Variants in MYO16 observed in about 807,000 individuals in gnomAD.
MYO16 encodes unconventional myosin-XVI.
A neutral mutation model predicts 205.3 loss-of-function variants in MYO16; 94 were observed. The ratio of observed to expected loss-of-function variants is 0.46; its 90% CI spans 0.39 to 0.54. The LOEUF is 0.54. MYO16 is among the 20% of genes least tolerant of loss of function. MYO16 has a pLI of 0.00. For synonymous variants in MYO16, 988 were observed against 954.0 expected (o/e 1.04, Z -0.66); for missense variants, 2,315 against 2,387.5 (o/e 0.97, Z 0.63).
chr13:108,751,368 A>G (rs8001887), intron 4 of MYO16, among the ~76,000 whole-genome samples: 5,113 of 152,240 alleles, frequency 0.034, 274 homozygotes, highest in African/African-American at 0.12. Flanking sequence ...AATGGCTCAC[A>G]CTGGAACGAT....
chr13:108,612,593 G>T, intron 1 of MYO16, among the ~76,000 whole-genome samples: 1 of 152,116 alleles, frequency 6.6e-6, no homozygotes, highest in East Asian at 1.9e-4. Context: ...GGAGTTCACA[G>T]GAAACACTCG....
chr13:109,088,217 G>A (rs779421503), intron 27 of MYO16, among the ~76,000 whole-genome samples: 1 of 152,102 alleles, frequency 6.6e-6, no homozygotes, highest in South Asian at 2.1e-4. Context: ...GCACGGGTGC[G>A]GAGTCTGTGT....
chr13:108,872,471 T>A (rs1879117221), intron 12 of MYO16, among the ~76,000 whole-genome samples: 1 of 152,016 alleles, frequency 6.6e-6, no homozygotes, highest in Non-Finnish European at 1.5e-5. Flanking sequence ...GTATTTGCAG[T>A]TTTTTCAGAA....
intron 3 of MYO16, among the ~76,000 whole-genome samples, chr13:108,714,678 C>G (rs774947598): frequency 2.0e-5 from 3 of 151,944 alleles, no homozygotes; most frequent in Non-Finnish European, 4.4e-5. Context: ...AAGTTCCTAT[C>G]TTTAAATTAG....
Position 109,140,197 on chromosome 13 carries a change from C to T in MYO16, c.4052-67C>T, listed in dbSNP as rs1173574579. 1 of 1,568,702 alleles carries T rather than the reference C, an allele frequency of 6.4e-7. No homozygotes were observed. Among genetic ancestry groups the T allele is most frequent in the Non-Finnish European group, 8.6e-7 (1 of 1,166,004 alleles). On this transcript the variant is annotated intron_variant, in intron 31 of 34. Transcript: ENST00000457511. The surrounding 1 kb of genome is among the most constrained non-coding windows in gnomAD (Gnocchi z 8.0). ...GGGCCGTGGCTCCCTCCGAGTCGAG[C>T]CCCGGGCTTGGTGGGCACCCGTGGG...
rs1296965070 is a variant in MYO16, at chr13:109,179,631, C to G, written c.5413C>G (p.Gln1805Glu). The G allele has an allele frequency of 6.2e-7, 1 of 1,610,446 alleles. No individual in the cohort carries two copies. Among genetic ancestry groups the G allele is most frequent in the Admixed American group, 1.7e-5 (1 of 60,010 alleles). ...AAGACACAGGGACAGTCACACCACTCAGGTAATGATGTCTGTCTGTTCACA... is the reference window on the plus strand; with the variant it reads ...AAGACACAGGGACAGTCACACCACTGAGGTAATGATGTCTGTCTGTTCACA... ...FQRHRDSHTT[Q>E]VIHQLRLSEN... Residue 1805 changes from glutamine to glutamate, a missense_variant and splice_region_variant, in exon 34 of 35, where the codon CAG becomes GAG. Coordinates refer to ENST00000457511, the MANE Select transcript of MYO16 (RefSeq NM_001198950.3).
chr13:108,834,638 ACTCTCT>A lies in MYO16; in HGVS notation c.1098-9679_1098-9674del, dbSNP rs67472762. Among the ~76,000 whole-genome samples the A allele has an allele frequency of 2.8e-3, 250 of 90,336 alleles. 1 individual carries two copies. Among genetic ancestry groups the A allele is most frequent in the African/African-American group, 7.1e-3 (205 of 28,684 alleles). 59.3% of individuals were successfully genotyped at this position (90,336 alleles called of 152,430 possible). On this transcript the variant is annotated intron_variant, in intron 9 of 34. Coordinates refer to ENST00000457511, the MANE Select transcript of MYO16 (RefSeq NM_001198950.3). ...TGTTTCCTGTTTTATTCAGTCTTGT[ACTCTCT>A]CTCTCTCTCTCTCTCTCTCTCTCTC... is the stretch of plus-strand genomic sequence containing the variant.
the MYO16 span, among the ~76,000 whole-genome samples, chr13:108,532,004 C>T: frequency 7.2e-5 from 11 of 151,970 alleles, no homozygotes; most frequent in African/African-American, 2.2e-4. Context: ...GTTAGGGGTT[C>T]GAGACCAGCC....
At chr13:108,871,586 T>G (rs921630318) in intron 12 of MYO16, among the ~76,000 whole-genome samples, 25 of 152,188 alleles carry the variant, frequency 1.6e-4, no homozygotes, top group African/African-American at 5.5e-4. Context: ...CTTCAAAAAG[T>G]TGAGCCCCCT....
intron 4 of MYO16, among the ~76,000 whole-genome samples, chr13:108,765,442 T>C (rs748997909): frequency 5.9e-5 from 9 of 152,240 alleles, no homozygotes; most frequent in Non-Finnish European, 1.3e-4. Flanking sequence ...CCAGAGCTTG[T>C]TGGAAAATAA....
intron 20 of MYO16, among the ~76,000 whole-genome samples, 169 bp downstream of exon 20, chr13:108,965,071 T>C (rs1341925461): frequency 6.6e-6 from 1 of 152,244 alleles, no homozygotes; most frequent in African/African-American, 2.4e-5. Flanking sequence ...GATTATTCTT[T>C]AGGAAGTGAA....
intron 16 of MYO16, among the ~76,000 whole-genome samples, chr13:108,926,974 G>A (rs547898657): frequency 2.6e-5 from 4 of 152,194 alleles, no homozygotes; most frequent in South Asian, 4.2e-4. Flanking sequence ...CTAGAGTCCC[G>A]GTATGGGAAA....
At chr13:108,931,575 G>T (rs959448352) in intron 16 of MYO16, among the ~76,000 whole-genome samples, 1 of 152,138 alleles carries the variant, frequency 6.6e-6, no homozygotes, top group South Asian at 2.1e-4. Context: ...TTCATCAGGG[G>T]TGTATATTAT....
the MYO16 span, among the ~76,000 whole-genome samples, chr13:108,574,569 A>G: frequency 3.9e-5 from 6 of 152,234 alleles, no homozygotes; most frequent in African/African-American, 1.4e-4. Flanking sequence ...TCAACTCAGT[A>G]ACTTAAAATG....
Position 109,111,243 on chromosome 13 carries a change from A to G in MYO16, c.3439-9127A>G, listed in dbSNP as rs544919167. Among the ~76,000 whole-genome samples the G allele has an allele frequency of 4.6e-5, 7 of 152,322 alleles. No individual in the cohort carries two copies. In the South Asian group the frequency reaches 8.3e-4, roughly 18 times the overall value. On this transcript the variant is annotated intron_variant, in intron 28 of 34. Coordinates refer to ENST00000457511, the MANE Select transcript of MYO16 (RefSeq NM_001198950.3). ...GGCACAGAAACTGTTTCACATAGCA[A>G]AAATAGAACAGGGTTGTGAAGGAGC...
At chr13:108,724,729 C>T (rs1430567071) in intron 3 of MYO16, among the ~76,000 whole-genome samples, 1 of 152,134 alleles carries the variant, frequency 6.6e-6, no homozygotes, top group Non-Finnish European at 1.5e-5. Context: ...TGGCATCCTA[C>T]CCATTCACAT....
At chr13:108,838,010 T>C (rs1462469559) in intron 9 of MYO16, among the ~76,000 whole-genome samples, 2 of 151,974 alleles carry the variant, frequency 1.3e-5, no homozygotes, top group Non-Finnish European at 2.9e-5. Context: ...AAGAAAAAAA[T>C]ATGATTGATA....
chr13:108,942,595 A>G (rs1228086419), intron 16 of MYO16, among the ~76,000 whole-genome samples: 1 of 152,210 alleles, frequency 6.6e-6, no homozygotes, highest in Admixed American at 6.5e-5. Flanking sequence ...TCTGTATAAT[A>G]TATAATAAAA....
the MYO16 span, among the ~76,000 whole-genome samples, chr13:108,525,109 C>T: frequency 6.6e-6 from 1 of 152,292 alleles, no homozygotes; most frequent in South Asian, 2.1e-4. Flanking sequence ...GACTTTACCT[C>T]TGGTTCCCAG....
Sources: allele counts gnomAD v4.1 joint callset (sites outside exome capture counted in the v4.1 genomes callset), GRCh38; gene constraint gnomAD v4.1.1; non-coding constraint Gnocchi (gnomAD v3.1); transcripts MANE v1.5; gene names NCBI Gene and HGNC (gene_info 2026-07-23, HGNC 2026-07-21).